The following STK33 variants were observed in gnomAD, a reference collection of about 807,000 sequenced individuals.
STK33 encodes serine/threonine kinase 33, also known as serine/threonine-protein kinase 33.
In STK33, 52 loss-of-function variants were observed where a neutral mutation model predicts 58.0. That is an observed-to-expected ratio of 0.90 (90% confidence interval 0.72 to 1.13). The LOEUF is 1.13. Ranked by LOEUF, STK33 falls within the 50% of genes most tolerant of loss-of-function variation. The pLI, the probability that STK33 is intolerant of heterozygous loss-of-function variation, is 0.00. For missense variants in STK33, 630 were observed against 604.2 expected, an observed-to-expected ratio of 1.04 and a Z score of -0.45; for synonymous variants, 215 against 200.1, an observed-to-expected ratio of 1.07 and a Z score of -0.63.
intron 6 of STK33, 143 bp from the exon 7 acceptor site, chr11:8,464,965 C>T (rs75898152): frequency 4.0e-6 from 2 of 498,140 alleles, no homozygotes; most frequent in Non-Finnish European, 3.5e-6. Flanking sequence ...TATATATTTG[C>T]TTCAATATTA....
At chr11:8,554,309 C>A (rs141453108) in intron 1 of STK33, among the ~76,000 whole-genome samples, 1,799 of 150,636 alleles carry the variant, frequency 0.012, 38 homozygotes, top group African/African-American at 0.041. Flanking sequence ...GTCCCAGCTA[C>A]TGGGGAGGCT....
At chr11:8,584,938 T>C (rs953857085) in intron 1 of STK33, among the ~76,000 whole-genome samples, 1 of 151,838 alleles carries the variant, frequency 6.6e-6, no homozygotes, top group Non-Finnish European at 1.5e-5. Flanking sequence ...TTTTTTTTTT[T>C]TTTTGAGATG....
At chr11:8,466,412 GCC>G (rs1352606526) in intron 6 of STK33, 1 of 152,188 alleles carries the variant, frequency 6.6e-6, no homozygotes, top group Non-Finnish European at 1.5e-5. Flanking sequence ...AAGGCTACAG[GCC>G]CAATGCAAGT....
At chr11:8,337,592 C>T in the STK33 span, among the ~76,000 whole-genome samples, 817 of 136,244 alleles carry the variant, frequency 6.0e-3, 5 homozygotes, top group African/African-American at 0.021. Context: ...CACGGAGCCA[C>T]GAGGCAGCCT....
At chr11:8,429,875 T>A (rs917406665) in intron 14 of STK33, among the ~76,000 whole-genome samples, 1 of 152,156 alleles carries the variant, frequency 6.6e-6, no homozygotes, top group African/African-American at 2.4e-5. Flanking sequence ...TCCAATTTAT[T>A]CCTAGGGCTC....
At chr11:8,550,141 G>C (rs1956208881) in intron 1 of STK33, among the ~76,000 whole-genome samples, 1 of 152,076 alleles carries the variant, frequency 6.6e-6, no homozygotes, top group Non-Finnish European at 1.5e-5. Context: ...AACAATTATT[G>C]TAACAGTTTT....
At chr11:8,404,824 T>C (rs1444069074) in intron 15 of STK33, among the ~76,000 whole-genome samples, 1 of 152,212 alleles carries the variant, frequency 6.6e-6, no homozygotes, top group East Asian at 1.9e-4. Flanking sequence ...GCTGGATAAA[T>C]GGTAAATGAA....
At chr11:8,462,062 A>C (rs535379260) in intron 7 of STK33, among the ~76,000 whole-genome samples, 153 bp from the exon 8 acceptor site, 1 of 152,168 alleles carries the variant, frequency 6.6e-6, no homozygotes, top group Non-Finnish European at 1.5e-5. Context: ...TTTTCAAATG[A>C]TATCATGCCA....
chr11:8,584,441 A>C (rs1295129897), intron 1 of STK33, among the ~76,000 whole-genome samples: 1 of 152,186 alleles, frequency 6.6e-6, no homozygotes, highest in Non-Finnish European at 1.5e-5. Flanking sequence ...GCTCAACAAG[A>C]CTAGAACTCC....
the STK33 span, among the ~76,000 whole-genome samples, chr11:8,368,654 C>T: frequency 1.3e-5 from 2 of 152,386 alleles, no homozygotes; most frequent in Admixed American, 1.3e-4. Context: ...TGAAGCCCTG[C>T]CCGAGTGGCA....
At chr11:8,436,171 T>C in intron 12 of STK33, 32 bp from the exon 13 acceptor site, 1 of 1,293,988 alleles carries the variant, frequency 7.7e-7, no homozygotes, top group Non-Finnish European at 1.1e-6. Context: ...TGTTTAAATT[T>C]TTTAAATAAT....
intron 1 of STK33, among the ~76,000 whole-genome samples, chr11:8,535,574 T>C (rs921956324): frequency 6.6e-6 from 1 of 151,904 alleles, no homozygotes; most frequent in Non-Finnish European, 1.5e-5. Context: ...ATTATTAAAA[T>C]AAAAAATAAT....
intron 1 of STK33, among the ~76,000 whole-genome samples, chr11:8,519,231 C>T (rs899334441): frequency 6.6e-6 from 1 of 152,140 alleles, no homozygotes; most frequent in Non-Finnish European, 1.5e-5. Flanking sequence ...CAACCTGCTC[C>T]GGAATGACTA....
intron 1 of STK33, among the ~76,000 whole-genome samples, chr11:8,575,960 T>C (rs1289474012): frequency 6.6e-6 from 1 of 152,152 alleles, no homozygotes; most frequent in East Asian, 1.9e-4. Context: ...TACTGTATTC[T>C]AAAGACTACA....
chr11:8,531,600 C>T (rs1954556974), intron 1 of STK33, among the ~76,000 whole-genome samples: 1 of 152,180 alleles, frequency 6.6e-6, no homozygotes, highest in Non-Finnish European at 1.5e-5. Context: ...TGGGGATGCT[C>T]ACATATGGGC....
At chr11:8,371,635 TCTTTCTTC>T in the STK33 span, among the ~76,000 whole-genome samples, 9 of 102,716 alleles carry the variant, frequency 8.8e-5, no homozygotes, top group Non-Finnish European at 1.3e-4. Flanking sequence ...CTTCCTTCCT[TCTTTCTTC>T]CTTTCTTTTC....
intron 12 of STK33, among the ~76,000 whole-genome samples, chr11:8,437,241 A>G (rs770323299): frequency 2.6e-5 from 4 of 152,224 alleles, no homozygotes; most frequent in Non-Finnish European, 5.9e-5. Context: ...TACAGAAACA[A>G]TGTACCTTTA....
chr11:8,565,032 C>T (rs1397332655), intron 1 of STK33, among the ~76,000 whole-genome samples: 1 of 152,138 alleles, frequency 6.6e-6, no homozygotes, highest in Non-Finnish European at 1.5e-5. Context: ...TTAGGTTTGC[C>T]CACTACTCTT....
intron 15 of STK33, among the ~76,000 whole-genome samples, chr11:8,394,047 T>A (rs531064461): frequency 6.6e-6 from 1 of 152,352 alleles, no homozygotes; most frequent in South Asian, 2.1e-4. Context: ...AATTTTAATT[T>A]CTATAAAATT....
Sources: gnomAD v4.1 joint callset for allele counts (sites outside exome capture counted in the v4.1 genomes callset) on GRCh38, gnomAD v4.1.1 for gene constraint, MANE v1.5 for transcripts, NCBI Gene and HGNC (gene_info 2026-07-23, HGNC 2026-07-21) for gene names.